The following BNC1 variants were observed in gnomAD, a reference collection of about 807,000 sequenced individuals.
BNC1 encodes basonuclin zinc finger protein 1.
Under a neutral mutation model 66.5 loss-of-function variants are expected in BNC1, and 8 were observed. The observed-to-expected ratio is 0.12, with a 90% confidence interval of 0.07 to 0.22. BNC1 has a LOEUF of 0.22. Ranked by LOEUF, BNC1 falls within the 10% of genes least tolerant of loss-of-function variation. BNC1 has a pLI of 1.00. For synonymous variants in BNC1, 454 were observed against 452.6 expected (o/e 1.00, Z -0.04); for missense variants, 1,069 against 1,241.3 (o/e 0.86, Z 2.09).
In BNC1 at chr15:83,257,368, A is replaced by C; in HGVS notation, c.*74T>G. Reference sequence around the variant, plus strand: ...ACTCGCCCCAAATGATATGAAACAGAAACATTTCTATGGACTACTTTATTC... The same window carrying C: ...ACTCGCCCCAAATGATATGAAACAGCAACATTTCTATGGACTACTTTATTC... On this transcript the variant is annotated 3_prime_UTR_variant, in exon 5 of 5. Coordinates refer to ENST00000345382, the MANE Select transcript of BNC1 (RefSeq NM_001717.4). 1 of 1,461,546 alleles carries C rather than the reference A, an allele frequency of 6.8e-7. No individual in the cohort carries two copies. Among genetic ancestry groups the C allele is most frequent in the South Asian group, 1.3e-5 (1 of 74,486 alleles). The allele number at this position is 1,461,546 out of a possible 1,614,324, so 90.5% of individuals were successfully genotyped here.
chr15:83,269,183 C>T (rs1004520513), intron 1 of BNC1, among the ~76,000 whole-genome samples: 4 of 152,284 alleles, frequency 2.6e-5, no homozygotes, highest in South Asian at 2.1e-4. Context: ...AAGATCACAC[C>T]GCTGCACTCC....
At chr15:83,283,547 G>C (rs780293436) in intron 1 of BNC1, 18 of 974,710 alleles carry the variant, frequency 1.8e-5, no homozygotes, top group Non-Finnish European at 2.1e-5. Context: ...GTCGGGGGCC[G>C]GGGGCTTCCC....
intron 3 of BNC1, among the ~76,000 whole-genome samples, chr15:83,266,590 A>C (rs988333276): frequency 5.3e-5 from 8 of 152,224 alleles, no homozygotes; most frequent in Admixed American, 5.2e-4. Flanking sequence ...ATTGTGGAAG[A>C]GGTAGTTTAG....
chr15:83,265,870 A>C (rs1026141417), intron 3 of BNC1, among the ~76,000 whole-genome samples: 36 of 152,166 alleles, frequency 2.4e-4, no homozygotes, highest in Non-Finnish European at 5.0e-4. Context: ...CTAGGTCTAC[A>C]AAATTGTTTT....
At position 83,263,664 on chromosome 15, in the gene BNC1, A is replaced by G. The variant is rs757687537; in HGVS notation, c.1587T>C (p.Phe529=). 1.9e-6 allele frequency: 3 copies of G among 1,614,238 alleles called. No individual in the cohort carries two copies. The highest frequency in any genetic ancestry group is 4.5e-5 in the East Asian group (2 of 44,884). The change falls in exon 4 of 5, where the codon TTT becomes TTC. Residue 529 remains phenylalanine, a synonymous_variant. Transcript: ENST00000345382. ...TGGATTTCTTCTTGGGAAGGGCATCAAATGGCATTTCGTTTGAAATGAGCT... is the reference window on the plus strand; with the variant it reads ...TGGATTTCTTCTTGGGAAGGGCATCGAATGGCATTTCGTTTGAAATGAGCT... ...PEQLISNEMP[F]DALPKKKSRK... is the part of the protein sequence containing the mutation.
At chr15:83,261,967 T>C (rs2038146873) in intron 4 of BNC1, among the ~76,000 whole-genome samples, 1 of 152,134 alleles carries the variant, frequency 6.6e-6, no homozygotes, top group Non-Finnish European at 1.5e-5. Flanking sequence ...TAGTGGCAAT[T>C]TAAAAAGCTC....
In BNC1 at chr15:83,278,508, C is replaced by T. The variant is rs1206844186; in HGVS notation, c.99+6022G>A. ...AAATATACTCAAAACAAACAAAACT[C>T]ATTGGCCACTTTTAGAAAATGCTAG... On this transcript the variant is annotated intron_variant, in intron 1 of 4. Coordinates refer to ENST00000345382, the MANE Select transcript of BNC1 (RefSeq NM_001717.4). 2.0e-5 allele frequency among the ~76,000 whole-genome samples: 3 copies of T among 152,160 alleles called. No individual in the cohort carries two copies. The East Asian group carries it at 5.8e-4, about 29-fold the overall frequency.
intron 1 of BNC1, among the ~76,000 whole-genome samples, chr15:83,273,289 C>T (rs757644796): frequency 2.4e-4 from 36 of 151,982 alleles, no homozygotes; most frequent in Non-Finnish European, 4.3e-4. Flanking sequence ...TAGAACTCCA[C>T]GACATAGTAA....
intron 4 of BNC1, among the ~76,000 whole-genome samples, chr15:83,261,131 A>G (rs796953037): frequency 6.6e-6 from 1 of 152,222 alleles, no homozygotes; most frequent in African/African-American, 2.4e-5. Context: ...ATAAATATCA[A>G]AGATAATATG....
chr15:83,258,562 G>A (rs1159626968), intron 4 of BNC1, among the ~76,000 whole-genome samples: 1 of 152,160 alleles, frequency 6.6e-6, no homozygotes, highest in Non-Finnish European at 1.5e-5. Flanking sequence ...ACATTCAACT[G>A]TAATTGCCTG....
At chr15:83,280,925 T>C (rs2038371027) in intron 1 of BNC1, among the ~76,000 whole-genome samples, 1 of 152,366 alleles carries the variant, frequency 6.6e-6, no homozygotes, top group Non-Finnish European at 1.5e-5. Flanking sequence ...ATCTCTCTTT[T>C]GTTTCACATT....
At chr15:83,270,040 A>C in intron 1 of BNC1, among the ~76,000 whole-genome samples, 1 of 152,252 alleles carries the variant, frequency 6.6e-6, no homozygotes, top group East Asian at 1.9e-4. Context: ...ATAAAGGCAG[A>C]AACCAGATTA....
chr15:83,282,091 T>C (rs939782916), intron 1 of BNC1, among the ~76,000 whole-genome samples: 2 of 152,262 alleles, frequency 1.3e-5, no homozygotes, highest in African/African-American at 2.4e-5. Context: ...AGGAGGAGAA[T>C]GTCCCTAAAT....
chr15:83,262,837 T>G, intron 4 of BNC1, 114 bp downstream of exon 4: 1 of 1,153,044 alleles, frequency 8.7e-7, no homozygotes, highest in Non-Finnish European at 1.2e-6. Flanking sequence ...GAAGTGGAAA[T>G]TCTAGGGTGG....
chr15:83,274,950 C>A (rs1397425408), intron 1 of BNC1, among the ~76,000 whole-genome samples: 3 of 152,210 alleles, frequency 2.0e-5, no homozygotes, highest in Non-Finnish European at 4.4e-5. Flanking sequence ...ATTCCTACAA[C>A]CACTTTCAGA....
rs76286300 is a variant in BNC1 at position 83,263,138 on chromosome 15, G to C, written c.2113C>G (p.His705Asp). The change falls in exon 4 of 5, where the codon CAC becomes GAC. Residue 705 changes from histidine (H) to aspartate (D), a missense_variant. By Grantham distance (81) the His-to-Asp change is moderately conservative (BLOSUM62 -1). Transcript: ENST00000345382. Reference protein sequence around the residue: ...PCLEDSKELEHVGQHALARQI... With the variant: ...PCLEDSKELEDVGQHALARQI... ...CTTGCTAATGCATGCTGACCCACGTGCTCCAGTTCTTTAGAATCTTCAAGA... is the reference window on the plus strand; with the variant it reads ...CTTGCTAATGCATGCTGACCCACGTCCTCCAGTTCTTTAGAATCTTCAAGA... 17 of 1,614,158 alleles carry C rather than the reference G, an allele frequency of 1.1e-5. No individual in the cohort carries two copies. The East Asian group carries it at 3.6e-4, about 34-fold the overall frequency.
Position 83,262,944 on chromosome 15 carries a change from G to T in BNC1, c.2300+7C>A. On this transcript the variant is annotated splice_region_variant and intron_variant, in intron 4 of 4. Coordinates refer to ENST00000345382, the MANE Select transcript of BNC1 (RefSeq NM_001717.4). The stretch of plus-strand genomic sequence containing the variant: ...TTAGAAAAAATGATTGCCTACAGAT[G>T]CCTTACCTGTCTCTGCTCCTGCGGG... 6.3e-7 allele frequency: 1 copy of T among 1,595,956 alleles called. No individual in the cohort carries two copies. Among genetic ancestry groups the T allele is most frequent in the Non-Finnish European group, 8.5e-7 (1 of 1,170,760 alleles).
chr15:83,283,253 A>G, intron 1 of BNC1: 1 of 1,535,298 alleles, frequency 6.5e-7, no homozygotes, highest in Non-Finnish European at 8.7e-7. Flanking sequence ...GATTAATATC[A>G]GATCTCCTTC....
intron 1 of BNC1, among the ~76,000 whole-genome samples, chr15:83,275,606 T>G (rs1379479624): frequency 6.6e-6 from 1 of 151,976 alleles, no homozygotes; most frequent in Non-Finnish European, 1.5e-5. Flanking sequence ...CAAGAGCCTT[T>G]GAGGAGGTAA....
Sources: allele counts gnomAD v4.1 joint callset (sites outside exome capture counted in the v4.1 genomes callset), GRCh38; gene constraint gnomAD v4.1.1; transcripts MANE v1.5; gene names NCBI Gene and HGNC (gene_info 2026-07-23, HGNC 2026-07-21).